The following NTN1 variants were observed in gnomAD, a reference collection of about 807,000 sequenced individuals.
NTN1 encodes the protein netrin-1.
NTN1 carries 11 observed loss-of-function variants against 54.2 expected under a neutral mutation model. The observed-to-expected ratio is 0.20, with a 90% CI of 0.13 to 0.34. NTN1 has a LOEUF of 0.34. Among genes scored for constraint, NTN1 ranks in the 10% least tolerant of loss-of-function variants. The pLI, the probability that NTN1 is intolerant of heterozygous loss-of-function variation, is 1.00. For synonymous variants in NTN1, 371 were observed against 382.0 expected, an observed-to-expected ratio of 0.97 and a Z score of 0.33; for missense variants, 740 against 893.1, an observed-to-expected ratio of 0.83 and a Z score of 2.18.
chr17:9,025,845 G>T (rs1287130167), intron 2 of NTN1, among the ~76,000 whole-genome samples: 2 of 152,294 alleles, frequency 1.3e-5, no homozygotes, highest in African/African-American at 4.8e-5. Flanking sequence ...AGATACTAAA[G>T]GGCACTGTGC....
intron 2 of NTN1, among the ~76,000 whole-genome samples, chr17:9,119,223 T>C (rs1324042877): frequency 6.6e-6 from 1 of 152,208 alleles, no homozygotes; most frequent in African/African-American, 2.4e-5. Context: ...GCCTCACTCT[T>C]GTTCCTCAGG....
chr17:9,156,806 G>A (rs2092343751), intron 2 of NTN1, among the ~76,000 whole-genome samples: 2 of 152,180 alleles, frequency 1.3e-5, no homozygotes, highest in Admixed American at 1.3e-4. Context: ...TTGTCAGGGA[G>A]TGGTTCAGGC....
At chr17:9,103,444 T>C (rs1402462490) in intron 2 of NTN1, among the ~76,000 whole-genome samples, 1 of 152,168 alleles carries the variant, frequency 6.6e-6, no homozygotes, top group Non-Finnish European at 1.5e-5. Context: ...CGTGCTGTTC[T>C]CATGATAGTG....
intron 2 of NTN1, among the ~76,000 whole-genome samples, chr17:9,147,382 GC>G (rs757860903): frequency 2.6e-5 from 4 of 152,198 alleles, no homozygotes; most frequent in Non-Finnish European, 5.9e-5. Flanking sequence ...GGGCATAGTG[GC>G]GGGCACCTGT....
Position 9,089,576 on chromosome 17 carries a change from C to A in NTN1, c.1018+66185C>A, listed in dbSNP as rs147105389. Among the ~76,000 whole-genome samples the A allele has an allele frequency of 3.3e-4, 51 of 152,280 alleles. 1 individual carries two copies. Among genetic ancestry groups the A allele is most frequent in the African/African-American group, 1.2e-3 (51 of 41,560 alleles). On this transcript the variant is annotated intron_variant, in intron 2 of 6. Coordinates refer to ENST00000173229, the MANE Select transcript of NTN1 (RefSeq NM_004822.3). ...TCTCAGATGTTCCCTGTTCTCTACC[C>A]CTGGTGGGTTTTTCACTGCTGGGTG...
chr17:9,118,146 C>G (rs193117977), intron 2 of NTN1, among the ~76,000 whole-genome samples: 1 of 152,324 alleles, frequency 6.6e-6, no homozygotes, highest in Admixed American at 6.5e-5. Flanking sequence ...TACCTCCAAG[C>G]AATGTGAGGA....
chr17:9,228,936 G>A lies in NTN1; in HGVS notation c.1486+7694G>A, dbSNP rs1406973561. On this transcript the variant is annotated intron_variant, in intron 6 of 6. Transcript: ENST00000173229. Reference sequence around the variant, plus strand: ...TGTGTGACTGCGTGTGTGACTGGGTGTGTGGCTGTGTGACTCTGCGTGTGT... The same window carrying A: ...TGTGTGACTGCGTGTGTGACTGGGTATGTGGCTGTGTGACTCTGCGTGTGT... Among the ~76,000 whole-genome samples the A allele has an allele frequency of 1.3e-4, 7 of 52,424 alleles. No homozygotes were observed. The East Asian group carries it at 4.4e-3, about 33-fold the overall frequency. 34.4% of individuals were successfully genotyped at this position (52,424 alleles called of 152,430 possible).
intron 2 of NTN1, among the ~76,000 whole-genome samples, chr17:9,114,166 A>AATATATATATATATATATATATATATAT (rs34188198): frequency 9.4e-5 from 7 of 74,564 alleles, no homozygotes; most frequent in South Asian, 4.4e-4. Flanking sequence ...AAAAAAAAAA[A>AATATATATATATATATATATATATATAT]ATATATATAT....
At chr17:9,130,242 G>A (rs2092260280) in intron 2 of NTN1, among the ~76,000 whole-genome samples, 1 of 152,092 alleles carries the variant, frequency 6.6e-6, no homozygotes, top group Non-Finnish European at 1.5e-5. Context: ...AGGCTGGTAT[G>A]GGTTTCACTC....
At chr17:9,014,484 A>G in the NTN1 span, among the ~76,000 whole-genome samples, 1 of 152,230 alleles carries the variant, frequency 6.6e-6, no homozygotes, top group East Asian at 1.9e-4. Flanking sequence ...AGGTGAATGC[A>G]GTGACCCCAT....
At chr17:9,096,101 C>T (rs1257764445) in intron 2 of NTN1, among the ~76,000 whole-genome samples, 1 of 151,830 alleles carries the variant, frequency 6.6e-6, no homozygotes, top group Non-Finnish European at 1.5e-5. Context: ...CCAGCCAAAT[C>T]TTTATAATAT....
chr17:9,102,601 C>T (rs74620166), intron 2 of NTN1, among the ~76,000 whole-genome samples: 2,563 of 152,276 alleles, frequency 0.017, 69 homozygotes, highest in African/African-American at 0.059. Context: ...CATCTTATAA[C>T]GCAGCAATTC....
chr17:9,166,284 T>G (rs2092373147), intron 3 of NTN1, among the ~76,000 whole-genome samples: 1 of 151,124 alleles, frequency 6.6e-6, no homozygotes, highest in Admixed American at 6.6e-5. Context: ...TATTTGACAG[T>G]TTGCTCTCAG....
At chr17:9,020,393 G>C (rs2091842001), upstream of NTN1, among the ~76,000 whole-genome samples, 2 of 152,226 alleles carry the variant, frequency 1.3e-5, no homozygotes, top group South Asian at 4.1e-4. Context: ...ACTGTCCTCA[G>C]TCTTTTTATT....
At chr17:9,126,939 G>A (rs554705625) in intron 2 of NTN1, among the ~76,000 whole-genome samples, 1 of 152,114 alleles carries the variant, frequency 6.6e-6, no homozygotes, top group Admixed American at 6.5e-5. Flanking sequence ...GCTGGTAGCA[G>A]GGTACCACGT....
At chr17:9,207,088 C>T (rs1217059672) in intron 5 of NTN1, among the ~76,000 whole-genome samples, 1 of 152,140 alleles carries the variant, frequency 6.6e-6, no homozygotes, top group Non-Finnish European at 1.5e-5. Flanking sequence ...TTTTATTGAA[C>T]TTGCTCAACA....
At chr17:9,088,762 C>G (rs1054989333) in intron 2 of NTN1, among the ~76,000 whole-genome samples, 2 of 152,158 alleles carry the variant, frequency 1.3e-5, no homozygotes, top group African/African-American at 4.8e-5. Flanking sequence ...TCCGAGCTGG[C>G]TGGAAGCATG....
At chr17:9,063,886 G>T (rs768221150) in intron 2 of NTN1, among the ~76,000 whole-genome samples, 3 of 152,148 alleles carry the variant, frequency 2.0e-5, no homozygotes, top group Admixed American at 6.5e-5. Flanking sequence ...GGAAGGAGCT[G>T]TTGTCACTAC....
intron 2 of NTN1, among the ~76,000 whole-genome samples, chr17:9,132,042 T>A (rs2092267396): frequency 6.6e-6 from 1 of 151,950 alleles, no homozygotes. Context: ...GATGCCCATT[T>A]GATGAATGAC....
Sources: gnomAD v4.1 joint callset for allele counts (sites outside exome capture counted in the v4.1 genomes callset) on GRCh38, gnomAD v4.1.1 for gene constraint, MANE v1.5 for transcripts, NCBI Gene and HGNC (gene_info 2026-07-23, HGNC 2026-07-21) for gene names.